The following SMOC2 variants were observed in gnomAD, a reference collection of about 807,000 sequenced individuals.
SMOC2 encodes the protein SPARC-related modular calcium-binding protein 2.
Under a neutral mutation model 61.4 loss-of-function variants are expected in SMOC2, and 39 were observed. The observed-to-expected ratio is 0.64, with a 90% CI of 0.49 to 0.83. SMOC2 has a LOEUF of 0.83. SMOC2 is among the 40% of genes least tolerant of loss of function. The pLI is 0.00. For synonymous variants in SMOC2, 247 were observed against 239.9 expected, an observed-to-expected ratio of 1.03 and a Z score of -0.27; for missense variants, 556 against 592.9, an observed-to-expected ratio of 0.94 and a Z score of 0.65.
chr6:168,522,088 C>T (rs993895897), intron 2 of SMOC2, among the ~76,000 whole-genome samples: 12 of 152,128 alleles, frequency 7.9e-5, no homozygotes, highest in Non-Finnish European at 1.5e-4. Context: ...ATTATAATTT[C>T]CAGCTAAGAT....
intron 1 of SMOC2, among the ~76,000 whole-genome samples, chr6:168,466,385 G>A (rs903679422): frequency 6.6e-6 from 1 of 152,196 alleles, no homozygotes; most frequent in Non-Finnish European, 1.5e-5. Flanking sequence ...TCTGGATGCC[G>A]CTCCCACAGC....
intron 7 of SMOC2, among the ~76,000 whole-genome samples, chr6:168,596,228 A>G (rs1467944202): frequency 7.9e-6 from 1 of 127,220 alleles, no homozygotes; most frequent in Non-Finnish European, 1.6e-5. Flanking sequence ...CCACGTGAAC[A>G]CGGCAGTGAT....
At chr6:168,441,660 C>T (rs1355922456) in intron 1 of SMOC2, among the ~76,000 whole-genome samples, 1 of 152,182 alleles carries the variant, frequency 6.6e-6, no homozygotes, top group African/African-American at 2.4e-5. Context: ...GGATGGGCTT[C>T]TGGGGACCCT....
At chr6:168,622,847 C>T (rs752898612) in intron 9 of SMOC2, among the ~76,000 whole-genome samples, 19 of 152,160 alleles carry the variant, frequency 1.2e-4, no homozygotes, top group Admixed American at 3.3e-4. Context: ...AGGTACAGGA[C>T]GTGCAAGGCC....
chr6:168,651,666 A>T (rs1787196683), intron 10 of SMOC2, among the ~76,000 whole-genome samples: 1 of 152,082 alleles, frequency 6.6e-6, no homozygotes, highest in Non-Finnish European at 1.5e-5. Flanking sequence ...CTCTCCTCTC[A>T]CTGTCTGTCT....
At chr6:168,607,736 C>T (rs1238822131) in intron 8 of SMOC2, among the ~76,000 whole-genome samples, 1 of 102,964 alleles carries the variant, frequency 9.7e-6, no homozygotes, top group Admixed American at 1.2e-4. Flanking sequence ...ACCCTCTGTC[C>T]TCGTGCACAC....
rs1364594887 is a variant in SMOC2, at chr6:168,534,404, G to A, written c.463+6677G>A. On this transcript the variant is annotated intron_variant, in intron 4 of 12. Coordinates refer to ENST00000356284, the MANE Select transcript of SMOC2 (RefSeq NM_001166412.2). ...TTAGTCTGACAAGCCGCTTCAGGCC[G>A]GCTTGGGAAGAGTGGGAGGTCCCTG... Among the ~76,000 whole-genome samples, 4 of 152,290 alleles carry A rather than the reference G, an allele frequency of 2.6e-5. No homozygotes were observed. In the East Asian group the frequency reaches 5.8e-4, roughly 22 times the overall value.
At position 168,535,127 on chromosome 6, in the gene SMOC2, C is replaced by A. The variant is rs145379299; in HGVS notation, c.463+7400C>A. Among the ~76,000 whole-genome samples, 1 of 151,860 alleles carries A rather than the reference C, an allele frequency of 6.6e-6. No homozygotes were observed. The highest frequency in any genetic ancestry group is 1.5e-5 in the Non-Finnish European group (1 of 68,004). On this transcript the variant is annotated intron_variant, in intron 4 of 12. Transcript: ENST00000356284. The surrounding 1 kb of genome is among the most constrained non-coding windows in gnomAD (Gnocchi z 4.6). Reference sequence around the variant, plus strand: ...CTGGGACTACAGGCACCCGCCACCACGCCCAGCTAATGTTTTGTATTTTTA... The same window carrying A: ...CTGGGACTACAGGCACCCGCCACCAAGCCCAGCTAATGTTTTGTATTTTTA...
At chr6:168,620,595 A>G (rs989078779) in intron 9 of SMOC2, among the ~76,000 whole-genome samples, 8 of 152,190 alleles carry the variant, frequency 5.3e-5, no homozygotes, top group Non-Finnish European at 8.8e-5. Flanking sequence ...TCTTTTCCAG[A>G]CTTGTACCAA....
chr6:168,650,574 G>A, intron 9 of SMOC2, 107 bp from the exon 10 acceptor site: 1 of 1,008,320 alleles, frequency 9.9e-7, no homozygotes, highest in South Asian at 1.6e-5. Flanking sequence ...GATTAAGGTA[G>A]GCCAAAATAC....
At chr6:168,456,331 G>A (rs936119173) in intron 1 of SMOC2, among the ~76,000 whole-genome samples, 3 of 152,224 alleles carry the variant, frequency 2.0e-5, no homozygotes, top group Non-Finnish European at 2.9e-5. Flanking sequence ...TGGGTGGGGC[G>A]TGGAGGGGCT....
intron 1 of SMOC2, among the ~76,000 whole-genome samples, chr6:168,446,660 A>G (rs907529106): frequency 1.3e-5 from 2 of 152,228 alleles, no homozygotes; most frequent in Non-Finnish European, 2.9e-5. Flanking sequence ...CTAATTTCCT[A>G]TGGGCTAAAA....
intron 11 of SMOC2, among the ~76,000 whole-genome samples, chr6:168,662,738 C>T (rs556655789): frequency 3.9e-5 from 6 of 152,216 alleles, no homozygotes; most frequent in Admixed American, 6.5e-5. Flanking sequence ...TGGGCGGTTC[C>T]GGCCACGGAG....
intron 1 of SMOC2, among the ~76,000 whole-genome samples, chr6:168,474,972 G>C (rs956086675): frequency 6.6e-6 from 1 of 152,130 alleles, no homozygotes; most frequent in African/African-American, 2.4e-5. Context: ...TACCTAGAAA[G>C]CTTCTCATCT....
Position 168,553,599 on chromosome 6 carries a change from C to T in SMOC2, c.637+4396C>T, listed in dbSNP as rs925918759. ...TCTTCACAAAATAACAAACACTCTT[C>T]ATGAATTACCAACACCAAGGTGCTT... is the stretch of plus-strand genomic sequence containing the variant. On this transcript the variant is annotated intron_variant, in intron 7 of 12. Transcript: ENST00000356284. This position sits in a 1 kb window ranked among gnomAD's most constrained non-coding sequence, Gnocchi z 4.2. Among the ~76,000 whole-genome samples, 4 of 152,208 alleles carry T rather than the reference C, an allele frequency of 2.6e-5. No homozygotes were observed. Among genetic ancestry groups the T allele is most frequent in the Non-Finnish European group, 5.9e-5 (4 of 68,042 alleles).
Position 168,479,759 on chromosome 6 carries a change from CAG to C in SMOC2, c.85-30155_85-30154del, listed in dbSNP as rs138069329. 4.4e-3 allele frequency among the ~76,000 whole-genome samples: 663 copies of C among 152,290 alleles called. 6 individuals carry two copies. The highest frequency in any genetic ancestry group is 0.014 in the Middle Eastern group (4 of 294). On this transcript the variant is annotated intron_variant, in intron 1 of 12. Coordinates refer to ENST00000356284, the MANE Select transcript of SMOC2 (RefSeq NM_001166412.2). The stretch of plus-strand genomic sequence containing the variant: ...GAATGTTGATTGCAGCTGTTGATAA[CAG>C]GGGTGCAGACGAAAAGGTGGTGGCT...
chr6:168,495,032 A>C (rs2115036041), intron 1 of SMOC2, among the ~76,000 whole-genome samples: 1 of 152,254 alleles, frequency 6.6e-6, no homozygotes, highest in South Asian at 2.1e-4. Flanking sequence ...CCTTCCTGAA[A>C]CCCGCAGGGA....
chr6:168,516,003 C>T (rs1783123276), intron 2 of SMOC2, among the ~76,000 whole-genome samples: 1 of 152,180 alleles, frequency 6.6e-6, no homozygotes, highest in Non-Finnish European at 1.5e-5. Flanking sequence ...GCTAGTGTAG[C>T]ACAGTGTCGC....
chr6:168,513,883 C>T (rs1385873770), intron 2 of SMOC2, among the ~76,000 whole-genome samples: 1 of 152,210 alleles, frequency 6.6e-6, no homozygotes, highest in Admixed American at 6.5e-5. Context: ...GCACTGGAAA[C>T]GGTTTCACGT....
Sources: gnomAD v4.1 joint callset for allele counts (sites outside exome capture counted in the v4.1 genomes callset) on GRCh38, gnomAD v4.1.1 for gene constraint, Gnocchi (gnomAD v3.1) non-coding constraint, MANE v1.5 for transcripts, NCBI Gene and HGNC (gene_info 2026-07-23, HGNC 2026-07-21) for gene names.